The following IFT140 variants were observed in gnomAD, a reference collection of about 807,000 sequenced individuals.
IFT140 encodes intraflagellar transport 140, also known as intraflagellar transport protein 140 homolog.
A neutral mutation model predicts 164.6 loss-of-function variants in IFT140; 133 were observed. The observed-to-expected ratio is 0.81, with a 90% CI of 0.70 to 0.93. The LOEUF is 0.93. IFT140 is among the 40% of genes least tolerant of loss of function. The pLI, the probability that IFT140 is intolerant of heterozygous loss-of-function variation, is 0.00. For missense variants in IFT140, 2,045 were observed against 1,972.3 expected, an observed-to-expected ratio of 1.04 and a Z score of -0.70; for synonymous variants, 860 against 817.3, an observed-to-expected ratio of 1.05 and a Z score of -0.89.
chr16:1,570,373 A>G (rs538296564), intron 14 of IFT140, among the ~76,000 whole-genome samples: 2 of 152,026 alleles, frequency 1.3e-5, no homozygotes, highest in Admixed American at 1.3e-4. Flanking sequence ...TCATGCTGAC[A>G]CCTCTACCTC....
intron 19 of IFT140, chr16:1,534,001 G>A (rs952224809): frequency 2.0e-6 from 1 of 489,906 alleles, no homozygotes; most frequent in Non-Finnish European, 3.6e-6. Flanking sequence ...TCCTGGCCCT[G>A]GGTTCTTGCT....
rs186046328 is a variant in IFT140, at chr16:1,551,494, T to C, written c.2399+6441A>G. On this transcript the variant is annotated intron_variant, in intron 19 of 30. Coordinates refer to ENST00000426508, the MANE Select transcript of IFT140 (RefSeq NM_014714.4). This position sits in a 1 kb window ranked among gnomAD's most constrained non-coding sequence, Gnocchi z 4.0. Reference sequence around the variant, plus strand: ...GGTAGCAGGGGAGACCCTAAGGCGATGGGAGCCACAAGGGTGCTGAGTGCT... The same window carrying C: ...GGTAGCAGGGGAGACCCTAAGGCGACGGGAGCCACAAGGGTGCTGAGTGCT... Among the ~76,000 whole-genome samples the C allele has an allele frequency of 1.6e-3, 250 of 152,216 alleles. 3 individuals are homozygous for C. Among genetic ancestry groups the C allele is most frequent in the East Asian group, 0.012 (63 of 5,170 alleles).
Position 1,580,855 on chromosome 16 carries a change from A to T in IFT140, c.1433-5T>A. The stretch of plus-strand genomic sequence containing the variant: ...GCGTCTCACACAAGAAGGTCCCTAA[A>T]ATGAAAGACGAACATCAGGATGGCG... On this transcript the variant is annotated splice_polypyrimidine_tract_variant and splice_region_variant and intron_variant, in intron 12 of 30. Transcript: ENST00000426508. The T allele has an allele frequency of 6.2e-7, 1 of 1,606,332 alleles. No individual in the cohort carries two copies. Among genetic ancestry groups the T allele is most frequent in the Non-Finnish European group, 8.5e-7 (1 of 1,173,166 alleles).
intron 14 of IFT140, among the ~76,000 whole-genome samples, chr16:1,570,335 C>T (rs1386479144): frequency 1.3e-5 from 2 of 152,174 alleles, no homozygotes; most frequent in African/African-American, 4.8e-5. Flanking sequence ...ATGGAGTCAT[C>T]CCTACCTACA....
Position 1,571,389 on chromosome 16 carries a change from T to C in IFT140, c.1652+18A>G, listed in dbSNP as rs1361577321. 3 of 1,608,132 alleles carry C rather than the reference T, an allele frequency of 1.9e-6. No homozygotes were observed. The highest frequency in any genetic ancestry group is 2.2e-5 in the South Asian group (2 of 89,630). On this transcript the variant is annotated intron_variant, in intron 14 of 30. Coordinates refer to ENST00000426508, the MANE Select transcript of IFT140 (RefSeq NM_014714.4). Reference sequence around the variant, plus strand: ...GACTAAAAAAATGTTCACACTTCTATTTGGAAAAAAAATTTACCTTCGGGA... The same window carrying C: ...GACTAAAAAAATGTTCACACTTCTACTTGGAAAAAAAATTTACCTTCGGGA...
At chr16:1,525,855 G>T in intron 21 of IFT140, 32 bp downstream of exon 21, 1 of 1,494,914 alleles carries the variant, frequency 6.7e-7, no homozygotes, top group Non-Finnish European at 8.9e-7. Flanking sequence ...CATCCAGAGA[G>T]GCAGGGAAGA....
At chr16:1,565,143 C>T (rs1322845393) in intron 16 of IFT140, among the ~76,000 whole-genome samples, 1 of 152,094 alleles carries the variant, frequency 6.6e-6, no homozygotes, top group East Asian at 1.9e-4. Flanking sequence ...GGCGCAGAGT[C>T]GAGAGGGAAA....
intron 18 of IFT140, among the ~76,000 whole-genome samples, chr16:1,560,113 G>A (rs1317651007): frequency 1.3e-5 from 2 of 152,200 alleles, no homozygotes; most frequent in African/African-American, 2.4e-5. Context: ...CATAAGAAAC[G>A]TAAAGCCAGC....
Position 1,557,952 on chromosome 16 carries a change from G to A in IFT140, c.2382C>T (p.Ser794=), listed in dbSNP as rs765278958. ...ATCCTCACCTTTTGATGAGCTTGAT[G>A]GATTTGAAGGCTTCGTCCATGTCTC... ...TIGDMDEAFK[S]IKLIKSEAVW... Residue 794 remains serine, a synonymous_variant, in exon 19 of 31, where the codon TCC becomes TCT. Transcript: ENST00000426508. The A allele has an allele frequency of 6.2e-7, 1 of 1,613,712 alleles. No homozygotes were observed. Among genetic ancestry groups the A allele is most frequent in the East Asian group, 2.2e-5 (1 of 44,892 alleles).
At chr16:1,558,279 G>A (rs987115653) in intron 18 of IFT140, 145 bp from the exon 19 acceptor site, 1 of 781,042 alleles carries the variant, frequency 1.3e-6, no homozygotes, top group Non-Finnish European at 2.0e-6. Context: ...CCCAGTCCCT[G>A]CCAGATGCCC....
chr16:1,528,319 G>A (rs868688045), intron 19 of IFT140, among the ~76,000 whole-genome samples: 12 of 117,474 alleles, frequency 1.0e-4, no homozygotes, highest in African/African-American at 4.2e-4. Context: ...ACACACGCAC[G>A]CATGCACGCA....
intron 29 of IFT140, among the ~76,000 whole-genome samples, chr16:1,518,735 G>A (rs919171077): frequency 2.0e-5 from 3 of 151,854 alleles, no homozygotes; most frequent in Non-Finnish European, 2.9e-5. Flanking sequence ...AGGCCGCTGG[G>A]AAGAACCCTC....
intron 4 of IFT140, among the ~76,000 whole-genome samples, chr16:1,595,062 G>T (rs1246788940): frequency 1.3e-5 from 2 of 152,210 alleles, no homozygotes; most frequent in East Asian, 3.9e-4. Context: ...GAGGCGGGCG[G>T]ATCACAAGGT....
Position 1,516,769 on chromosome 16 carries a change from C to CAA in IFT140, c.4182+1445_4182+1446dup, listed in dbSNP as rs777538656. On this transcript the variant is annotated intron_variant, in intron 30 of 30. Transcript: ENST00000426508. ...TGGGCGACAGAGCGACACTCTGTCT[C>CAA]AAAAAAAAAAAAAAAAAAAAATCAA... 5.8e-3 allele frequency among the ~76,000 whole-genome samples: 306 copies of CAA among 53,010 alleles called. 4 individuals are homozygous for CAA. Among genetic ancestry groups the CAA allele is most frequent in the African/African-American group, 0.015 (242 of 16,422 alleles). The allele number at this position is 53,010 out of a possible 152,430, so 34.8% of individuals were successfully genotyped here. A position where few individuals can be genotyped will look rare whatever the true frequency, so the allele number is the denominator to read the frequency against.
chr16:1,531,738 C>G lies in IFT140; in HGVS notation c.2400-4942G>C, dbSNP rs1240766588. ...GCGTGACAGCTGAGGGCACAGGGAC[C>G]TGGAGCACCCCAGAAGTGCCAGGAG... is the stretch of plus-strand genomic sequence containing the variant. On this transcript the variant is annotated intron_variant, in intron 19 of 30. Coordinates refer to ENST00000426508, the MANE Select transcript of IFT140 (RefSeq NM_014714.4). The surrounding 1 kb of genome is among the most constrained non-coding windows in gnomAD (Gnocchi z 4.7). 6.6e-6 allele frequency: 1 copy of G among 152,318 alleles called. No homozygotes were observed. Among genetic ancestry groups the G allele is most frequent in the African/African-American group, 2.4e-5 (1 of 41,476 alleles). 9.4% of individuals were successfully genotyped at this position (152,318 alleles called of 1,614,324 possible).
chr16:1,594,626 C>T (rs1481679223), intron 4 of IFT140, among the ~76,000 whole-genome samples: 2 of 152,236 alleles, frequency 1.3e-5, no homozygotes, highest in Non-Finnish European at 2.9e-5. Flanking sequence ...GCTTGGTGCG[C>T]TGCGTGCTCA....
chr16:1,561,865 G>A (rs1448952840), intron 18 of IFT140, 120 bp downstream of exon 18: 30 of 1,009,898 alleles, frequency 3.0e-5, no homozygotes, highest in Non-Finnish European at 4.0e-5. Context: ...CTACGGAGAG[G>A]GAAGCCCGGC....
chr16:1,599,306 C>A (rs920174424), intron 4 of IFT140, among the ~76,000 whole-genome samples: 3 of 86,830 alleles, frequency 3.5e-5, no homozygotes, highest in Non-Finnish European at 6.3e-5. Flanking sequence ...GGCAGCCACC[C>A]CGTCCGGGAG....
At position 1,539,377 on chromosome 16, in the gene IFT140, C is replaced by T. The variant is rs1161961234; in HGVS notation, c.2400-12581G>A. ...ACGCCTTAGGCCTCAGCAAGTTGCA[C>T]GGTGCCAGGCTGAGGTCAAGCACAT... On this transcript the variant is annotated intron_variant, in intron 19 of 30. Transcript: ENST00000426508. Among the ~76,000 whole-genome samples the T allele has an allele frequency of 5.9e-5, 9 of 152,266 alleles. No individual in the cohort carries two copies. The East Asian group carries it at 9.6e-4, about 16-fold the overall frequency.
Sources: allele counts gnomAD v4.1 joint callset (sites outside exome capture counted in the v4.1 genomes callset), GRCh38; gene constraint gnomAD v4.1.1; non-coding constraint Gnocchi (gnomAD v3.1); transcripts MANE v1.5; gene names NCBI Gene and HGNC (gene_info 2026-07-23, HGNC 2026-07-21).